Variants in FOCAD observed in about 807,000 individuals in gnomAD.
FOCAD encodes focadhesin.
FOCAD carries 198 observed loss-of-function variants against 225.6 expected under a neutral mutation model. The ratio of observed to expected loss-of-function variants is 0.88; its 90% confidence interval spans 0.78 to 0.99. The LOEUF is 0.99. FOCAD is among the 50% of genes least tolerant of loss of function. The probability of loss-of-function intolerance (pLI) is 0.00; values close to 1 mark genes in which losing one functional copy is unlikely to be tolerated. For synonymous variants in FOCAD, 897 were observed against 755.0 expected, an observed-to-expected ratio of 1.19 and a Z score of -3.08; for missense variants, 2,713 against 2,123.6, an observed-to-expected ratio of 1.28 and a Z score of -5.46.
intron 21 of FOCAD, among the ~76,000 whole-genome samples, chr9:20,894,684 T>C (rs944698137): frequency 6.6e-6 from 1 of 152,144 alleles, no homozygotes; most frequent in Admixed American, 6.6e-5. Flanking sequence ...TGTTAGGTTT[T>C]TCATAGTTGA....
At chr9:20,716,109 C>T (rs776488075) in intron 2 of FOCAD, 1 of 475,782 alleles carries the variant, frequency 2.1e-6, no homozygotes, top group Non-Finnish European at 4.6e-6. Flanking sequence ...TGGGAATTGA[C>T]TTAGCTGGGT....
chr9:20,918,178 T>C (rs1310503420), intron 24 of FOCAD, among the ~76,000 whole-genome samples: 1 of 152,222 alleles, frequency 6.6e-6, no homozygotes, highest in African/African-American at 2.4e-5. Context: ...AGTCTACATA[T>C]ATCCTATTAA....
intron 43 of FOCAD, 117 bp downstream of exon 43, chr9:20,993,445 C>A: frequency 1.2e-6 from 1 of 830,922 alleles, no homozygotes; most frequent in East Asian, 2.7e-5. Context: ...ATGCTTGGGA[C>A]CAGAGGTGTT....
At chr9:20,733,360 T>A (rs1286543477) in intron 4 of FOCAD, among the ~76,000 whole-genome samples, 5 of 152,150 alleles carry the variant, frequency 3.3e-5, no homozygotes, top group Admixed American at 6.5e-5. Flanking sequence ...TTTTCTTTTT[T>A]TTATTATTAT....
chr9:20,946,117 A>G (rs893625479), intron 29 of FOCAD, among the ~76,000 whole-genome samples: 1 of 151,866 alleles, frequency 6.6e-6, no homozygotes, highest in African/African-American at 2.4e-5. Flanking sequence ...TCATTCATTC[A>G]TTCATCAACA....
intron 11 of FOCAD, among the ~76,000 whole-genome samples, chr9:20,801,608 A>G (rs910254832): frequency 6.6e-6 from 1 of 152,176 alleles, no homozygotes; most frequent in Non-Finnish European, 1.5e-5. Flanking sequence ...TTTATACTTG[A>G]CATCTATATG....
chr9:20,771,044 C>G (rs1448070046), intron 8 of FOCAD, among the ~76,000 whole-genome samples: 1 of 152,018 alleles, frequency 6.6e-6, no homozygotes, highest in African/African-American at 2.4e-5. Flanking sequence ...AATGGGAGAA[C>G]AAGTTTCAGG....
intron 11 of FOCAD, among the ~76,000 whole-genome samples, chr9:20,810,275 A>G (rs1367765812): frequency 1.3e-5 from 2 of 152,218 alleles, no homozygotes; most frequent in South Asian, 2.1e-4. Context: ...GAATCTATCT[A>G]GCTTAGTTAC....
intron 11 of FOCAD, among the ~76,000 whole-genome samples, chr9:20,808,048 G>GAA (rs201024216): frequency 7.0e-6 from 1 of 142,242 alleles, no homozygotes; most frequent in Non-Finnish European, 1.5e-5. Context: ...CTCCGTCTAA[G>GAA]AAAAAAAAAA....
chr9:20,758,826 T>G (rs1829305192), intron 6 of FOCAD, among the ~76,000 whole-genome samples: 2 of 152,152 alleles, frequency 1.3e-5, no homozygotes, highest in South Asian at 4.1e-4. Flanking sequence ...GAAGTCAAAT[T>G]GTCCCTGTTT....
intron 7 of FOCAD, among the ~76,000 whole-genome samples, chr9:20,766,551 T>G (rs919064363): frequency 6.6e-6 from 1 of 152,210 alleles, no homozygotes; most frequent in African/African-American, 2.4e-5. Context: ...ATTTCCATTC[T>G]TCTCAGAACA....
chr9:20,938,182 G>A (rs940987245), intron 28 of FOCAD, among the ~76,000 whole-genome samples: 9 of 152,326 alleles, frequency 5.9e-5, no homozygotes, highest in African/African-American at 1.9e-4. Context: ...CGATTCCTCA[G>A]GGATCTGGAA....
At chr9:20,935,661 A>C (rs1835879625) in intron 28 of FOCAD, among the ~76,000 whole-genome samples, 6 of 152,202 alleles carry the variant, frequency 3.9e-5, no homozygotes, top group Admixed American at 3.9e-4. Context: ...TGCCTCCCAA[A>C]GTGCTGGGAT....
At position 20,831,478 on chromosome 9, in the gene FOCAD, T is replaced by C. The variant is rs1247331941; in HGVS notation, c.1920+8363T>C. ...GCATATAAAGATTTATGAGACATTT[T>C]TGGCCTTCTAGGAGCTCACAGTCTG... On this transcript the variant is annotated intron_variant, in intron 15 of 43. Transcript: ENST00000338382. Among the ~76,000 whole-genome samples the C allele has an allele frequency of 2.6e-5, 4 of 152,210 alleles. No homozygotes were observed. The East Asian group carries it at 7.8e-4, about 30-fold the overall frequency.
chr9:20,787,017 G>C (rs1293405273), intron 10 of FOCAD: 3 of 454,214 alleles, frequency 6.6e-6, no homozygotes, highest in Non-Finnish European at 1.3e-5. Context: ...CCTTGCCCTG[G>C]GACTGTGCCA....
At chr9:20,971,734 C>G (rs189782419) in intron 35 of FOCAD, among the ~76,000 whole-genome samples, 516 of 152,210 alleles carry the variant, frequency 3.4e-3, no homozygotes, top group Non-Finnish European at 5.4e-3. Context: ...GAAACTCTAG[C>G]CATTAAACAA....
At chr9:20,721,764 C>A (rs1825784480) in intron 4 of FOCAD, among the ~76,000 whole-genome samples, 2 of 151,928 alleles carry the variant, frequency 1.3e-5, no homozygotes, top group African/African-American at 4.8e-5. Flanking sequence ...GTTAAATAAC[C>A]CCTAGCCTTT....
At chr9:20,753,106 C>G (rs1190073930) in intron 5 of FOCAD, among the ~76,000 whole-genome samples, 1 of 152,166 alleles carries the variant, frequency 6.6e-6, no homozygotes, top group Non-Finnish European at 1.5e-5. Context: ...TGTCTGCAAA[C>G]AGGGACAATT....
At chr9:20,695,825 A>G (rs975581279) in intron 1 of FOCAD, among the ~76,000 whole-genome samples, 1 of 152,226 alleles carries the variant, frequency 6.6e-6, no homozygotes, top group Non-Finnish European at 1.5e-5. Flanking sequence ...CAGCATTGGT[A>G]TTAGGTATGA....
Sources: allele counts gnomAD v4.1 joint callset (sites outside exome capture counted in the v4.1 genomes callset), GRCh38; gene constraint gnomAD v4.1.1; transcripts MANE v1.5; gene names NCBI Gene and HGNC (gene_info 2026-07-23, HGNC 2026-07-21).